Variants in RALYL observed in about 807,000 individuals in gnomAD.
The protein encoded by RALYL is RALY RNA binding protein like.
A neutral mutation model predicts 35.1 loss-of-function variants in RALYL; 29 were observed. That is an observed-to-expected ratio of 0.83 (90% CI 0.61 to 1.13). The LOEUF (loss-of-function observed/expected upper bound fraction) is 1.13. Among genes scored for constraint, RALYL ranks in the 50% most tolerant of loss-of-function variants. The probability of loss-of-function intolerance (pLI) is 0.00; values close to 1 mark genes in which losing one functional copy is unlikely to be tolerated. For synonymous variants in RALYL, 120 were observed against 127.6 expected (o/e 0.94, Z 0.40); for missense variants, 359 against 360.4 (o/e 1.00, Z 0.03).
At chr8:84,475,929 T>C (rs2053351301) in intron 1 of RALYL, among the ~76,000 whole-genome samples, 1 of 152,230 alleles carries the variant, frequency 6.6e-6, no homozygotes, top group Admixed American at 6.5e-5. Context: ...GCATTAATGT[T>C]GCTAAATGAT....
chr8:84,656,777 GA>G (rs1281806936), intron 2 of RALYL, among the ~76,000 whole-genome samples: 1 of 151,844 alleles, frequency 6.6e-6, no homozygotes, highest in African/African-American at 2.4e-5. Flanking sequence ...TATAAAATGA[GA>G]AAAAATATAT....
chr8:84,604,743 C>T (rs898106887), intron 2 of RALYL, among the ~76,000 whole-genome samples: 4 of 152,096 alleles, frequency 2.6e-5, no homozygotes, highest in African/African-American at 9.7e-5. Context: ...CGATGTGTCA[C>T]ATTCGGGATT....
intron 8 of RALYL, among the ~76,000 whole-genome samples, chr8:84,890,331 G>A (rs1843608842): frequency 6.6e-6 from 1 of 152,128 alleles, no homozygotes; most frequent in Non-Finnish European, 1.5e-5. Flanking sequence ...ACTAAGATAA[G>A]TCAGAGAGTG....
intron 1 of RALYL, among the ~76,000 whole-genome samples, chr8:84,193,853 T>G (rs1286200394): frequency 1.3e-5 from 2 of 152,144 alleles, no homozygotes; most frequent in African/African-American, 4.8e-5. Flanking sequence ...GCATCCACTT[T>G]GTGTAAAACA....
At chr8:84,287,351 CACAAAAA>C (rs1837839734) in intron 1 of RALYL, among the ~76,000 whole-genome samples, 7 of 3,286 alleles carry the variant, frequency 2.1e-3, no homozygotes, top group Admixed American at 0.016. Flanking sequence ...TCGTCAAAAT[CACAAAAA>C]GTTACAGTTG....
chr8:84,515,645 T>G (rs911662650), intron 1 of RALYL, among the ~76,000 whole-genome samples: 2 of 152,188 alleles, frequency 1.3e-5, no homozygotes, highest in African/African-American at 4.8e-5. Context: ...TCTATTTGAT[T>G]TAGATTGTTG....
intron 1 of RALYL, among the ~76,000 whole-genome samples, chr8:84,364,718 T>A (rs1380346873): frequency 6.6e-6 from 1 of 152,162 alleles, no homozygotes; most frequent in African/African-American, 2.4e-5. Flanking sequence ...TAGCATTTTT[T>A]AAAATTTTAC....
intron 1 of RALYL, among the ~76,000 whole-genome samples, chr8:84,287,701 T>A (rs1394293416): frequency 6.6e-6 from 1 of 152,138 alleles, no homozygotes; most frequent in African/African-American, 2.4e-5. Flanking sequence ...AGTAAGATGA[T>A]GATAGAAATA....
chr8:84,469,400 C>G, intron 1 of RALYL, among the ~76,000 whole-genome samples: 1 of 152,024 alleles, frequency 6.6e-6, no homozygotes, highest in Non-Finnish European at 1.5e-5. Context: ...GAGTACCCTG[C>G]CGTGTGAGGT....
intron 2 of RALYL, among the ~76,000 whole-genome samples, chr8:84,659,470 A>G (rs916115365): frequency 1.3e-5 from 2 of 152,038 alleles, no homozygotes; most frequent in Non-Finnish European, 2.9e-5. Context: ...AGGCAATCAG[A>G]AAAGGCTGTT....
intron 8 of RALYL, among the ~76,000 whole-genome samples, chr8:84,905,553 G>A (rs1332099116): frequency 6.6e-6 from 1 of 152,032 alleles, no homozygotes; most frequent in Admixed American, 6.6e-5. Context: ...CAGTGTGCAA[G>A]CATTCCAATT....
intron 1 of RALYL, among the ~76,000 whole-genome samples, chr8:84,362,590 G>A (rs1463799644): frequency 6.6e-6 from 1 of 152,106 alleles, no homozygotes; most frequent in African/African-American, 2.4e-5. Context: ...ACATGCGAGG[G>A]ATCCAGGTTG....
rs186156004 is a variant in RALYL at position 84,404,948 on chromosome 8, G to C, written c.-23-124351G>C. Among the ~76,000 whole-genome samples the C allele has an allele frequency of 2.0e-5, 3 of 152,112 alleles. No individual in the cohort carries two copies. The East Asian group carries it at 5.8e-4, about 29-fold the overall frequency. ...ACAACATAACACTTATTCTATAATT[G>C]ACCACATAATTGGAAATAAAACATT... On this transcript the variant is annotated intron_variant, in intron 1 of 8. Transcript: ENST00000521268.
At chr8:84,811,918 G>A (rs1262434412) in intron 4 of RALYL, among the ~76,000 whole-genome samples, 2 of 151,448 alleles carry the variant, frequency 1.3e-5, no homozygotes, top group African/African-American at 4.9e-5. Flanking sequence ...CACTTTTTTT[G>A]GACTTCCTTG....
At position 84,466,092 on chromosome 8, in the gene RALYL, G is replaced by A. The variant is rs929950413; in HGVS notation, c.-23-63207G>A. Among the ~76,000 whole-genome samples the A allele has an allele frequency of 4.8e-4, 47 of 97,560 alleles. 3 individuals are homozygous for A. The highest frequency in any genetic ancestry group is 7.3e-4 in the Non-Finnish European group (34 of 46,496). The allele number at this position is 97,560 out of a possible 152,430, so 64.0% of individuals were successfully genotyped here. The stretch of plus-strand genomic sequence containing the variant: ...ATACAATCATGTCATCTGCAAACAG[G>A]GACAATTTGACTTCCTCTTTTCCTA... On this transcript the variant is annotated intron_variant, in intron 1 of 8. Transcript: ENST00000521268.
intron 1 of RALYL, among the ~76,000 whole-genome samples, chr8:84,306,791 C>T (rs1251810430): frequency 6.6e-6 from 1 of 152,196 alleles, no homozygotes; most frequent in African/African-American, 2.4e-5. Context: ...ATTTATTCTA[C>T]AAAGGCAGAA....
At chr8:84,384,355 G>A (rs1459206445) in intron 1 of RALYL, among the ~76,000 whole-genome samples, 2 of 151,610 alleles carry the variant, frequency 1.3e-5, no homozygotes, top group Admixed American at 6.6e-5. Context: ...TGAACCTGAA[G>A]CAATTTCAAT....
At chr8:84,920,438 A>C (rs1849137653) in intron 8 of RALYL, among the ~76,000 whole-genome samples, 3 of 152,134 alleles carry the variant, frequency 2.0e-5, no homozygotes, top group African/African-American at 7.2e-5. Context: ...AATGCAGATC[A>C]AAGACCTGTA....
intron 8 of RALYL, among the ~76,000 whole-genome samples, chr8:84,889,725 C>A (rs1843498766): frequency 6.6e-6 from 1 of 152,154 alleles, no homozygotes; most frequent in Non-Finnish European, 1.5e-5. Context: ...CTTAACATGG[C>A]CAGAAACAGT....
Sources: gnomAD v4.1 joint callset for allele counts (sites outside exome capture counted in the v4.1 genomes callset) on GRCh38, gnomAD v4.1.1 for gene constraint, MANE v1.5 for transcripts, NCBI Gene and HGNC (gene_info 2026-07-23, HGNC 2026-07-21) for gene names.